Variants in CAMK2D observed in about 807,000 individuals in gnomAD.
CAMK2D encodes the protein calcium/calmodulin-dependent protein kinase type II subunit delta.
In CAMK2D, 37 loss-of-function variants were observed where a neutral mutation model predicts 84.0. The observed-to-expected ratio is 0.44, with a 90% confidence interval of 0.34 to 0.58. CAMK2D has a LOEUF of 0.58. Ranked by LOEUF, CAMK2D falls within the 20% of genes least tolerant of loss-of-function variation. The pLI, the probability that CAMK2D is intolerant of heterozygous loss-of-function variation, is 0.02. For synonymous variants in CAMK2D, 202 were observed against 212.5 expected, an observed-to-expected ratio of 0.95 and a Z score of 0.43; for missense variants, 448 against 652.5, an observed-to-expected ratio of 0.69 and a Z score of 3.41.
intron 2 of CAMK2D, among the ~76,000 whole-genome samples, chr4:113,757,544 A>C (rs2149141404): frequency 6.6e-6 from 1 of 152,302 alleles, no homozygotes; most frequent in East Asian, 1.9e-4. Context: ...CAACAGGTTA[A>C]GAAACTTGCC....
At chr4:113,751,437 T>A (rs930897861) in intron 2 of CAMK2D, among the ~76,000 whole-genome samples, 1 of 152,228 alleles carries the variant, frequency 6.6e-6, no homozygotes, top group African/African-American at 2.4e-5. Context: ...TACTTTTATA[T>A]AAGTTATTCA....
chr4:113,592,334 C>A (rs1336178185), intron 4 of CAMK2D, among the ~76,000 whole-genome samples: 1 of 152,174 alleles, frequency 6.6e-6, no homozygotes, highest in Non-Finnish European at 1.5e-5. Context: ...TAAATTGTAA[C>A]TTTTCCAGAT....
intron 17 of CAMK2D, among the ~76,000 whole-genome samples, chr4:113,463,573 T>C (rs1207925468): frequency 6.6e-6 from 1 of 152,076 alleles, no homozygotes; most frequent in Non-Finnish European, 1.5e-5. Context: ...ATGGGGTTTC[T>C]CCATGCTGGT....
In CAMK2D at chr4:113,590,765, C is replaced by G. The variant is rs138563500; in HGVS notation, c.275+18387G>C. 4.2e-3 allele frequency among the ~76,000 whole-genome samples: 633 copies of G among 152,148 alleles called. 6 individuals are homozygous for G. Among genetic ancestry groups the G allele is most frequent in the Middle Eastern group, 0.031 (9 of 294 alleles). ...TCTTTAAAACAAAAGTAACATCTTA[C>G]TTAAAATAACTGGGACAGAATAACT... On this transcript the variant is annotated intron_variant, in intron 4 of 20. Transcript: ENST00000511664.
chr4:113,520,029 C>T (rs2154172548), intron 8 of CAMK2D, among the ~76,000 whole-genome samples: 1 of 152,250 alleles, frequency 6.6e-6, no homozygotes. Context: ...GCAAAGATGT[C>T]CATTTGGTCC....
At chr4:113,680,987 A>G (rs911598815) in intron 2 of CAMK2D, among the ~76,000 whole-genome samples, 2 of 152,214 alleles carry the variant, frequency 1.3e-5, no homozygotes, top group African/African-American at 2.4e-5. Flanking sequence ...ATGAAGTACA[A>G]AAGGATTTCT....
At chr4:113,713,129 C>G (rs1170792700) in intron 2 of CAMK2D, among the ~76,000 whole-genome samples, 16 of 151,956 alleles carry the variant, frequency 1.1e-4, no homozygotes, top group Admixed American at 1.1e-3. Flanking sequence ...CATTACCCTA[C>G]TGAGGAGATG....
At chr4:113,693,712 G>C (rs2099394896) in intron 2 of CAMK2D, among the ~76,000 whole-genome samples, 1 of 152,038 alleles carries the variant, frequency 6.6e-6, no homozygotes, top group Non-Finnish European at 1.5e-5. Context: ...GACAGATATG[G>C]CTATCACCAA....
chr4:113,584,053 C>T (rs559420277), intron 4 of CAMK2D, among the ~76,000 whole-genome samples: 3 of 152,308 alleles, frequency 2.0e-5, no homozygotes, highest in South Asian at 2.1e-4. Context: ...AAAACCCCAA[C>T]ATAATATAAG....
intron 4 of CAMK2D, among the ~76,000 whole-genome samples, chr4:113,604,191 C>G (rs1241254115): frequency 6.6e-6 from 1 of 152,070 alleles, no homozygotes; most frequent in Non-Finnish European, 1.5e-5. Context: ...GTTATTTTAT[C>G]TCGGAACTCA....
intron 13 of CAMK2D, among the ~76,000 whole-genome samples, chr4:113,506,489 CATG>C (rs1377140048): frequency 8.6e-5 from 13 of 151,914 alleles, no homozygotes; most frequent in African/African-American, 2.7e-4. Context: ...CAGAATTTAA[CATG>C]ATATTTGTGC....
intron 3 of CAMK2D, among the ~76,000 whole-genome samples, chr4:113,611,047 AACAC>A (rs141563975): frequency 0.18 from 26,320 of 148,512 alleles, 2,445 homozygotes; most frequent in African/African-American, 0.24. Flanking sequence ...ATATACACAT[AACAC>A]ACACACACAC....
chr4:113,647,088 G>A (rs1317782161), intron 3 of CAMK2D, among the ~76,000 whole-genome samples: 1 of 152,054 alleles, frequency 6.6e-6, no homozygotes, highest in Non-Finnish European at 1.5e-5. Flanking sequence ...CAGATTAATT[G>A]GGGAAAAGAC....
intron 2 of CAMK2D, among the ~76,000 whole-genome samples, chr4:113,681,258 CAT>C (rs1004269806): frequency 1.3e-5 from 2 of 152,136 alleles, no homozygotes; most frequent in Non-Finnish European, 2.9e-5. Context: ...ATAATTCCCA[CAT>C]GTCAGGGGAA....
chr4:113,731,378 A>G (rs533674522), intron 2 of CAMK2D, among the ~76,000 whole-genome samples: 4 of 152,316 alleles, frequency 2.6e-5, no homozygotes, highest in South Asian at 4.1e-4. Context: ...ATTGGAAATA[A>G]TGTCAAAAAG....
chr4:113,750,487 G>A (rs982491404), intron 2 of CAMK2D, among the ~76,000 whole-genome samples: 2 of 152,118 alleles, frequency 1.3e-5, no homozygotes, highest in African/African-American at 2.4e-5. Context: ...CCCTGTGCAC[G>A]CGTCTATCAC....
At chr4:113,546,610 C>A (rs1178639314) in intron 6 of CAMK2D, among the ~76,000 whole-genome samples, 1 of 152,096 alleles carries the variant, frequency 6.6e-6, no homozygotes, top group East Asian at 1.9e-4. Context: ...AAAGTCTGCA[C>A]GTGAGAAATA....
intron 19 of CAMK2D, chr4:113,457,092 G>A (rs918515612): frequency 1.4e-5 from 12 of 874,732 alleles, no homozygotes; most frequent in Admixed American, 3.8e-5. Flanking sequence ...TTTTGATCAC[G>A]TAGTCTCTCG....
chr4:113,465,606 T>G lies in CAMK2D; in HGVS notation c.1136-2A>C. 1 of 1,593,848 alleles carries G rather than the reference T, an allele frequency of 6.3e-7. No homozygotes were observed. The highest frequency in any genetic ancestry group is 8.6e-7 in the Non-Finnish European group (1 of 1,162,316). On this transcript the variant is annotated splice_acceptor_variant, in intron 16 of 20. Coordinates refer to ENST00000511664, the MANE Select transcript of CAMK2D (RefSeq NM_001321571.2). LOFTEE classifies it high-confidence loss of function. ...CTTTGATAATCTCTTGCTTTCGTGC[T>G]AAAGGCAAAAATATGGAGTTGGGTA...
Sources: allele counts gnomAD v4.1 joint callset (sites outside exome capture counted in the v4.1 genomes callset), GRCh38; gene constraint gnomAD v4.1.1; transcripts MANE v1.5; gene names NCBI Gene and HGNC (gene_info 2026-07-23, HGNC 2026-07-21).